PLCB1: variants seen among roughly 807,000 people sequenced by gnomAD.
PLCB1 encodes phospholipase C beta 1, also known as 1-phosphatidylinositol 4,5-bisphosphate phosphodiesterase beta-1.
A neutral mutation model predicts 161.8 loss-of-function variants in PLCB1; 46 were observed. The observed-to-expected ratio is 0.28, with a 90% CI of 0.22 to 0.36. The LOEUF (loss-of-function observed/expected upper bound fraction) is 0.36, where lower values mean the gene tolerates loss of function less well. Ranked by LOEUF, PLCB1 falls within the 10% of genes least tolerant of loss-of-function variation. The pLI, the probability that PLCB1 is intolerant of heterozygous loss-of-function variation, is 1.00. For missense variants in PLCB1, 1,016 were observed against 1,472.5 expected, an observed-to-expected ratio of 0.69 and a Z score of 5.07; for synonymous variants, 517 against 503.7, an observed-to-expected ratio of 1.03 and a Z score of -0.35.
chr20:8,768,665 A>G (rs1375437027), intron 26 of PLCB1, among the ~76,000 whole-genome samples: 3 of 152,204 alleles, frequency 2.0e-5, no homozygotes, highest in Admixed American at 2.0e-4. Flanking sequence ...AGGCCAAGTA[A>G]CCTGGCCAGG....
intron 2 of PLCB1, among the ~76,000 whole-genome samples, chr20:8,275,716 TA>T (rs1245834303): frequency 1.3e-5 from 2 of 152,212 alleles, no homozygotes; most frequent in Non-Finnish European, 2.9e-5. Flanking sequence ...TGAAAATCAG[TA>T]AAGGGTTTTA....
chr20:8,567,946 T>C (rs1986391257), intron 3 of PLCB1, among the ~76,000 whole-genome samples: 1 of 152,168 alleles, frequency 6.6e-6, no homozygotes, highest in Admixed American at 6.6e-5. Context: ...AGTTTTCAGA[T>C]CTCATAACCA....
chr20:8,817,108 G>C (rs184037334), intron 31 of PLCB1, among the ~76,000 whole-genome samples: 1 of 152,152 alleles, frequency 6.6e-6, no homozygotes, highest in African/African-American at 2.4e-5. Flanking sequence ...AGAAAATGCC[G>C]CATCTGTTGC....
At chr20:8,590,714 C>T (rs544544371) in intron 3 of PLCB1, among the ~76,000 whole-genome samples, 1 of 152,280 alleles carries the variant, frequency 6.6e-6, no homozygotes, top group South Asian at 2.1e-4. Flanking sequence ...CTGAGTCCTT[C>T]TCATGCTGAC....
chr20:8,726,314 G>A (rs1325794332), intron 16 of PLCB1, among the ~76,000 whole-genome samples: 4 of 152,058 alleles, frequency 2.6e-5, no homozygotes, highest in African/African-American at 9.7e-5. Flanking sequence ...TCTAATTGGA[G>A]GCTTGAATTT....
intron 2 of PLCB1, among the ~76,000 whole-genome samples, chr20:8,227,845 A>T (rs1979780122): frequency 6.6e-6 from 1 of 152,178 alleles, no homozygotes; most frequent in Admixed American, 6.5e-5. Context: ...AAACCCACTC[A>T]AAGAGATGAC....
intron 3 of PLCB1, among the ~76,000 whole-genome samples, chr20:8,593,796 A>AT (rs1397400757): frequency 6.6e-6 from 1 of 151,928 alleles, no homozygotes; most frequent in East Asian, 1.9e-4. Flanking sequence ...GTTTTGTGAC[A>AT]TTTTTTCGGG....
At chr20:8,529,406 G>A (rs1230140211) in intron 3 of PLCB1, among the ~76,000 whole-genome samples, 1 of 151,896 alleles carries the variant, frequency 6.6e-6, no homozygotes, top group Non-Finnish European at 1.5e-5. Flanking sequence ...AGAACCTCTC[G>A]CATATGCTCA....
At chr20:8,809,917 T>C (rs1286199945) in intron 31 of PLCB1, among the ~76,000 whole-genome samples, 2 of 152,142 alleles carry the variant, frequency 1.3e-5, no homozygotes, top group East Asian at 1.9e-4. Flanking sequence ...TAAAATTGCC[T>C]CAGCTGTAAC....
rs1490796331 is a variant in PLCB1, at chr20:8,731,856, G to C, written c.1889-1382G>C. Reference sequence around the variant, plus strand: ...AATTTTGTCCAATTTTGACATCATAGTTATGTTTATAAAATAATAGTTTAA... The same window carrying C: ...AATTTTGTCCAATTTTGACATCATACTTATGTTTATAAAATAATAGTTTAA... On this transcript the variant is annotated intron_variant, in intron 18 of 31. Coordinates refer to ENST00000338037, the MANE Select transcript of PLCB1 (RefSeq NM_015192.4). Among the ~76,000 whole-genome samples, 3 of 150,020 alleles carry C rather than the reference G, an allele frequency of 2.0e-5. No homozygotes were observed. The East Asian group carries it at 6.0e-4, about 30-fold the overall frequency.
At chr20:8,740,321 A>C (rs754525946) in intron 21 of PLCB1, 23 bp from the exon 22 acceptor site, 1 of 1,269,716 alleles carries the variant, frequency 7.9e-7, no homozygotes, top group Non-Finnish European at 1.1e-6. Flanking sequence ...TATGTGCTAC[A>C]CAGCATTATT....
At chr20:8,693,550 CA>C (rs1054967338) in intron 10 of PLCB1, among the ~76,000 whole-genome samples, 223 of 152,318 alleles carry the variant, frequency 1.5e-3, no homozygotes, top group African/African-American at 5.0e-3. Context: ...ATGTAGTCCT[CA>C]TCTCCATCTG....
chr20:8,373,762 CACTT>C (rs1986981484), intron 3 of PLCB1, among the ~76,000 whole-genome samples: 1 of 152,128 alleles, frequency 6.6e-6, no homozygotes, highest in Admixed American at 6.5e-5. Flanking sequence ...TCATTTCACT[CACTT>C]AATTTGGAAA....
chr20:8,870,697 C>A (rs1210311056), intron 31 of PLCB1, among the ~76,000 whole-genome samples: 5 of 152,192 alleles, frequency 3.3e-5, no homozygotes, highest in African/African-American at 1.2e-4. Context: ...TCGTCCTTGA[C>A]TCCTCCAACC....
At chr20:8,182,859 G>A (rs1326649252) in intron 2 of PLCB1, among the ~76,000 whole-genome samples, 1 of 152,084 alleles carries the variant, frequency 6.6e-6, no homozygotes, top group African/African-American at 2.4e-5. Flanking sequence ...GGGATTACAG[G>A]TGTGAGCCAC....
At position 8,432,628 on chromosome 20, in the gene PLCB1, G is replaced by GT. The variant is rs1980100745; in HGVS notation, c.246+61179dup. Among the ~76,000 whole-genome samples the GT allele has an allele frequency of 2.0e-5, 3 of 152,186 alleles. No individual in the cohort carries two copies. In the South Asian group the frequency reaches 6.2e-4, roughly 31 times the overall value. The stretch of plus-strand genomic sequence containing the variant: ...TGATTATGTGCTGTGGTCTGAAGCA[G>GT]TATTATTTTTTAACCCAGTGTTTTT... On this transcript the variant is annotated intron_variant, in intron 3 of 31. Coordinates refer to ENST00000338037, the MANE Select transcript of PLCB1 (RefSeq NM_015192.4).
intron 26 of PLCB1, among the ~76,000 whole-genome samples, chr20:8,773,135 A>G (rs142727927): frequency 0.014 from 2,064 of 152,272 alleles, 24 homozygotes; most frequent in Non-Finnish European, 0.023. Flanking sequence ...AGCTTCAACC[A>G]ACTCCCTTCC....
intron 2 of PLCB1, among the ~76,000 whole-genome samples, chr20:8,173,124 G>T (rs1042348095): frequency 1.3e-4 from 20 of 152,206 alleles, no homozygotes; most frequent in African/African-American, 4.1e-4. Context: ...TCACCAGGTT[G>T]TACCAGCAAA....
chr20:8,465,734 C>T (rs1007939912), intron 3 of PLCB1, among the ~76,000 whole-genome samples: 1 of 151,880 alleles, frequency 6.6e-6, no homozygotes, highest in Non-Finnish European at 1.5e-5. Context: ...TGCTCACCAT[C>T]ACTGGCCATC....
Sources: allele counts gnomAD v4.1 joint callset (sites outside exome capture counted in the v4.1 genomes callset), GRCh38; gene constraint gnomAD v4.1.1; transcripts MANE v1.5; gene names NCBI Gene and HGNC (gene_info 2026-07-23, HGNC 2026-07-21).